Variants in RPS6KC1 observed in about 807,000 individuals in gnomAD.
The protein encoded by RPS6KC1 is inactive ribosomal protein S6 kinase delta-1.
A neutral mutation model predicts 103.8 loss-of-function variants in RPS6KC1; 54 were observed. The ratio of observed to expected loss-of-function variants is 0.52; its 90% CI spans 0.42 to 0.65. RPS6KC1 has a LOEUF of 0.65. Among genes scored for constraint, RPS6KC1 ranks in the 30% least tolerant of loss-of-function variants. The pLI, the probability that RPS6KC1 is intolerant of heterozygous loss-of-function variation, is 0.00. For synonymous variants in RPS6KC1, 439 were observed against 438.7 expected, an observed-to-expected ratio of 1.00 and a Z score of -0.01; for missense variants, 1,151 against 1,253.8, an observed-to-expected ratio of 0.92 and a Z score of 1.24.
the RPS6KC1 span, among the ~76,000 whole-genome samples, chr1:213,701,841 T>G: frequency 6.6e-6 from 1 of 152,028 alleles, no homozygotes; most frequent in African/African-American, 2.4e-5. Context: ...GTCTGTCAAT[T>G]TTATTCAACT....
At chr1:213,723,461 A>G in the RPS6KC1 span, among the ~76,000 whole-genome samples, 1 of 152,098 alleles carries the variant, frequency 6.6e-6, no homozygotes, top group African/African-American at 2.4e-5. Context: ...TTCTTGCTCT[A>G]TCTTCCAACG....
the RPS6KC1 span, among the ~76,000 whole-genome samples, chr1:213,735,947 A>G: frequency 6.6e-6 from 1 of 152,138 alleles, no homozygotes; most frequent in Non-Finnish European, 1.5e-5. Flanking sequence ...AGCACTGAAC[A>G]TGGCTTAAAG....
the RPS6KC1 span, among the ~76,000 whole-genome samples, chr1:213,357,493 C>T: frequency 3.3e-5 from 5 of 152,174 alleles, no homozygotes; most frequent in East Asian, 1.9e-4. Flanking sequence ...AGCATCTTAG[C>T]GATGGGTCCA....
chr1:213,417,302 A>G, the RPS6KC1 span, among the ~76,000 whole-genome samples: 1 of 152,210 alleles, frequency 6.6e-6, no homozygotes, highest in African/African-American at 2.4e-5. Context: ...TGATTACTAG[A>G]TTGGTTCTCT....
intron 3 of RPS6KC1, among the ~76,000 whole-genome samples, chr1:213,084,513 A>G (rs962949395): frequency 6.6e-6 from 1 of 152,222 alleles, no homozygotes; most frequent in African/African-American, 2.4e-5. Flanking sequence ...GTTCTTCACT[A>G]AGAATAGGGA....
chr1:213,534,295 AAC>A, the RPS6KC1 span, among the ~76,000 whole-genome samples: 3 of 152,194 alleles, frequency 2.0e-5, no homozygotes, highest in Non-Finnish European at 4.4e-5. Flanking sequence ...GGCCTGGAAA[AAC>A]ACAGAGACTT....
chr1:213,740,683 G>T, the RPS6KC1 span, among the ~76,000 whole-genome samples: 1 of 149,248 alleles, frequency 6.7e-6, no homozygotes, highest in Non-Finnish European at 1.5e-5. Context: ...ATATCTCTCA[G>T]ATATATGTAC....
the RPS6KC1 span, among the ~76,000 whole-genome samples, chr1:213,490,662 C>A: frequency 6.6e-6 from 1 of 152,172 alleles, no homozygotes; most frequent in African/African-American, 2.4e-5. Flanking sequence ...ACTTTGCCTC[C>A]CTGGCTAGGA....
chr1:213,445,032 C>T, the RPS6KC1 span, among the ~76,000 whole-genome samples: 3 of 152,088 alleles, frequency 2.0e-5, no homozygotes, highest in African/African-American at 7.2e-5. Flanking sequence ...TTTCCTGCAG[C>T]CTTTAGCAAA....
the RPS6KC1 span, among the ~76,000 whole-genome samples, chr1:213,413,813 C>T: frequency 1.2e-4 from 19 of 152,244 alleles, no homozygotes; most frequent in African/African-American, 4.3e-4. Context: ...AGACCAGGAA[C>T]CCAGAATCAC....
chr1:213,655,405 T>C, the RPS6KC1 span, among the ~76,000 whole-genome samples: 1 of 152,240 alleles, frequency 6.6e-6, no homozygotes, highest in Non-Finnish European at 1.5e-5. Context: ...CCACAGTTAA[T>C]GTATTCATTA....
At chr1:213,509,137 T>C in the RPS6KC1 span, among the ~76,000 whole-genome samples, 22,981 of 152,202 alleles carry the variant, frequency 0.15, 2,289 homozygotes, top group Middle Eastern at 0.25. Flanking sequence ...GTGTATTTAA[T>C]AATTATGCTG....
chr1:213,628,441 T>C, the RPS6KC1 span, among the ~76,000 whole-genome samples: 1 of 152,014 alleles, frequency 6.6e-6, no homozygotes, highest in African/African-American at 2.4e-5. Flanking sequence ...CTCTGATCTG[T>C]TACTTCTTGC....
chr1:213,321,771 G>A, the RPS6KC1 span, among the ~76,000 whole-genome samples: 9 of 152,336 alleles, frequency 5.9e-5, 1 homozygote, highest in South Asian at 1.7e-3. Context: ...GACAGGAAGT[G>A]AGAGGGGTTT....
At chr1:213,330,869 G>C in the RPS6KC1 span, among the ~76,000 whole-genome samples, 4 of 152,118 alleles carry the variant, frequency 2.6e-5, no homozygotes, top group Non-Finnish European at 5.9e-5. Flanking sequence ...AACTTTTCAT[G>C]GCACTGGTGG....
chr1:213,579,455 C>T, the RPS6KC1 span, among the ~76,000 whole-genome samples: 1 of 151,960 alleles, frequency 6.6e-6, no homozygotes, highest in Non-Finnish European at 1.5e-5. Flanking sequence ...GGTGAAGCAC[C>T]AAGTGCTGAT....
the RPS6KC1 span, among the ~76,000 whole-genome samples, chr1:213,609,510 A>G: frequency 6.6e-6 from 1 of 152,242 alleles, no homozygotes; most frequent in African/African-American, 2.4e-5. Context: ...CGTGCAAACC[A>G]ACAGCACAAT....
At chr1:213,740,776 C>T in the RPS6KC1 span, among the ~76,000 whole-genome samples, 1 of 66,116 alleles carries the variant, frequency 1.5e-5, no homozygotes, top group Admixed American at 1.7e-4. Flanking sequence ...TATATGTACA[C>T]ATATATACAT....
chr1:213,688,101 A>G, the RPS6KC1 span, among the ~76,000 whole-genome samples: 1 of 152,148 alleles, frequency 6.6e-6, no homozygotes, highest in African/African-American at 2.4e-5. Context: ...TGCCCAGGGA[A>G]AGATAGCTCT....
Sources: allele counts gnomAD v4.1 joint callset (sites outside exome capture counted in the v4.1 genomes callset), GRCh38; gene constraint gnomAD v4.1.1; transcripts MANE v1.5; gene names NCBI Gene and HGNC (gene_info 2026-07-23, HGNC 2026-07-21).